The following WWOX variants were observed in gnomAD, a reference collection of about 807,000 sequenced individuals.
WWOX encodes WW domain containing oxidoreductase, also known as WW domain-containing oxidoreductase.
Under a neutral mutation model 46.2 loss-of-function variants are expected in WWOX, and 69 were observed. The observed-to-expected ratio is 1.49, with a 90% CI of 1.23 to 1.82. The LOEUF is 1.82. Ranked by LOEUF, WWOX falls within the 40% of genes most tolerant of loss-of-function variation. WWOX has a pLI of 0.00. For synonymous variants in WWOX, 359 were observed against 202.6 expected (o/e 1.77, Z -6.56); for missense variants, 919 against 542.6 (o/e 1.69, Z -6.89).
rs7202383 is a variant in WWOX at position 78,410,306 on chromosome 16, T to C, written c.606-14564T>C. Among the ~76,000 whole-genome samples the C allele has an allele frequency of 9.9e-3, 1,502 of 152,310 alleles. 23 individuals carry two copies. Among genetic ancestry groups the C allele is most frequent in the African/African-American group, 0.033 (1,365 of 41,562 alleles). On this transcript the variant is annotated intron_variant, in intron 6 of 8. Coordinates refer to ENST00000566780, the MANE Select transcript of WWOX (RefSeq NM_016373.4). ...TTACTTCTTTATTGCAGTGCAAGAA[T>C]AGCTTAACACACAAGGTCTTACCCT...
intron 8 of WWOX, among the ~76,000 whole-genome samples, chr16:78,771,807 ATAAATAAG>A (rs2050071537): frequency 1.4e-5 from 2 of 145,948 alleles, no homozygotes; most frequent in Admixed American, 6.8e-5. Context: ...AAATAAATAA[ATAAATAAG>A]AGTTGGATCA....
At chr16:78,368,165 G>A (rs920340950) in intron 5 of WWOX, among the ~76,000 whole-genome samples, 10 of 152,302 alleles carry the variant, frequency 6.6e-5, no homozygotes, top group Admixed American at 2.0e-4. Flanking sequence ...GCTCAGTAGC[G>A]TAGAATAAGG....
intron 8 of WWOX, among the ~76,000 whole-genome samples, chr16:79,141,502 G>C (rs372608359): frequency 6.6e-6 from 1 of 152,232 alleles, no homozygotes; most frequent in Non-Finnish European, 1.5e-5. Context: ...TGAACTGTCA[G>C]TGGTGATAGC....
chr16:78,099,684 G>C lies in WWOX; in HGVS notation c.-95G>C, dbSNP rs545715638. The C allele has an allele frequency of 7.0e-6, 10 of 1,432,184 alleles. No individual in the cohort carries two copies. The Middle Eastern group carries it at 7.5e-4, about 108-fold the overall frequency. The allele number at this position is 1,432,184 out of a possible 1,614,324, so 88.7% of individuals were successfully genotyped here. On this transcript the variant is annotated 5_prime_UTR_variant, in exon 1 of 9. Coordinates refer to ENST00000566780, the MANE Select transcript of WWOX (RefSeq NM_016373.4). ...GCGCAGGCGTGAGCGGTCGGGCCCCGACGCGCGCGGGTCTCGTTTGGAGCG... is the reference window on the plus strand; with the variant it reads ...GCGCAGGCGTGAGCGGTCGGGCCCCCACGCGCGCGGGTCTCGTTTGGAGCG...
intron 8 of WWOX, among the ~76,000 whole-genome samples, chr16:78,577,506 G>C (rs1369059078): frequency 6.6e-6 from 1 of 152,084 alleles, no homozygotes; most frequent in Non-Finnish European, 1.5e-5. Context: ...TGCAGCCCTG[G>C]GTATGATGCC....
intron 8 of WWOX, among the ~76,000 whole-genome samples, chr16:78,703,147 G>C (rs181464709): frequency 1.2e-4 from 18 of 152,246 alleles, no homozygotes; most frequent in Non-Finnish European, 1.9e-4. Flanking sequence ...CCAAGAGAGG[G>C]AGGGGTGGTC....
chr16:78,760,665 A>T (rs918581190), intron 8 of WWOX, among the ~76,000 whole-genome samples: 1 of 152,174 alleles, frequency 6.6e-6, no homozygotes, highest in African/African-American at 2.4e-5. Context: ...AGTCAGCATC[A>T]GACGGCTTGT....
At chr16:78,157,153 G>A (rs978459987) in intron 4 of WWOX, among the ~76,000 whole-genome samples, 1 of 151,992 alleles carries the variant, frequency 6.6e-6, no homozygotes, top group Non-Finnish European at 1.5e-5. Flanking sequence ...ATTTCAAAGG[G>A]ACCCACAGTC....
At chr16:78,179,781 A>C (rs2035470598) in intron 5 of WWOX, 1 of 152,254 alleles carries the variant, frequency 6.6e-6, no homozygotes, top group African/African-American at 2.4e-5. Context: ...TCAAACAGCA[A>C]CAGAGGTGCG....
chr16:78,351,801 C>T (rs1055143717), intron 5 of WWOX, among the ~76,000 whole-genome samples: 11 of 152,214 alleles, frequency 7.2e-5, no homozygotes, highest in Non-Finnish European at 1.0e-4. Context: ...GGATTACAGA[C>T]GTGTATCACC....
chr16:78,899,382 T>C (rs764588573), intron 8 of WWOX: 9 of 152,256 alleles, frequency 5.9e-5, no homozygotes, highest in Non-Finnish European at 1.2e-4. Flanking sequence ...ACTCCAAATC[T>C]TTGAACTTCC....
At chr16:79,054,338 C>G (rs1469094072) in intron 8 of WWOX, among the ~76,000 whole-genome samples, 2 of 152,156 alleles carry the variant, frequency 1.3e-5, no homozygotes, top group East Asian at 3.9e-4. Context: ...TCTTATCTTT[C>G]TTACTTGATA....
chr16:78,426,828 T>A (rs1377533766), intron 7 of WWOX, among the ~76,000 whole-genome samples: 2 of 152,130 alleles, frequency 1.3e-5, no homozygotes, highest in Non-Finnish European at 2.9e-5. Context: ...CACACCTGGC[T>A]AATTTTTGTA....
chr16:79,017,177 T>TCACAG (rs900680609), intron 8 of WWOX: 16 of 152,158 alleles, frequency 1.1e-4, no homozygotes, highest in African/African-American at 3.6e-4. Flanking sequence ...ACGCCTGTAA[T>TCACAG]CACAGCACTT....
chr16:78,493,856 C>G (rs192898963), intron 8 of WWOX, among the ~76,000 whole-genome samples: 1 of 152,194 alleles, frequency 6.6e-6, no homozygotes, highest in Non-Finnish European at 1.5e-5. Context: ...GTCTGATCAT[C>G]GTCAATTTTC....
intron 8 of WWOX, among the ~76,000 whole-genome samples, chr16:78,815,618 C>T (rs1043498507): frequency 1.1e-4 from 16 of 152,334 alleles, no homozygotes; most frequent in African/African-American, 3.6e-4. Flanking sequence ...CAGAGGGAGT[C>T]TCTCTGGAAG....
chr16:78,365,483 G>T (rs1197341283), intron 5 of WWOX, among the ~76,000 whole-genome samples: 1 of 152,162 alleles, frequency 6.6e-6, no homozygotes, highest in African/African-American at 2.4e-5. Flanking sequence ...CTGAATCTGG[G>T]CAACAATGAA....
At chr16:78,783,471 G>A (rs1022923221) in intron 8 of WWOX, among the ~76,000 whole-genome samples, 1 of 152,184 alleles carries the variant, frequency 6.6e-6, no homozygotes, top group East Asian at 1.9e-4. Context: ...AGCTCTTTCT[G>A]CAAAGGGAAA....
Position 78,305,102 on chromosome 16 carries a change from C to A in WWOX, c.517-81758C>A, listed in dbSNP as rs970564113. Among the ~76,000 whole-genome samples, 7 of 152,174 alleles carry A rather than the reference C, an allele frequency of 4.6e-5. No homozygotes were observed. In the South Asian group the frequency reaches 1.0e-3, roughly 23 times the overall value. On this transcript the variant is annotated intron_variant, in intron 5 of 8. Transcript: ENST00000566780. ...AATCTGAATTCTGTCTTTTCTGCTG[C>A]TGTGGATTCTCAGTCCCCAAGTTGT... is the stretch of plus-strand genomic sequence containing the variant.
Sources: allele counts gnomAD v4.1 joint callset (sites outside exome capture counted in the v4.1 genomes callset), GRCh38; gene constraint gnomAD v4.1.1; transcripts MANE v1.5; gene names NCBI Gene and HGNC (gene_info 2026-07-23, HGNC 2026-07-21).